Variants in INSRR observed in about 807,000 individuals in gnomAD.
INSRR encodes the protein insulin receptor-related protein.
Under a neutral mutation model 130.0 loss-of-function variants are expected in INSRR, and 114 were observed. The ratio of observed to expected loss-of-function variants is 0.88; its 90% CI spans 0.75 to 1.02. INSRR has a LOEUF of 1.02. INSRR is among the 50% of genes least tolerant of loss of function. INSRR has a pLI of 0.00. For synonymous variants in INSRR, 674 were observed against 705.2 expected (o/e 0.96, Z 0.70); for missense variants, 1,657 against 1,735.2 (o/e 0.95, Z 0.80).
chr1:156,844,499 A>C lies in INSRR; in HGVS notation c.2700T>G (p.Ser900=), dbSNP rs762614947. ...VRATSLAGNG[S]WTDSVAFYIL... is the part of the protein sequence containing the mutation. ...TGTAGAAGGCAACACTGTCTGTCCAAGAGCCATTGCCAGCCAGTGAGGTTG... is the reference window on the plus strand; with the variant it reads ...TGTAGAAGGCAACACTGTCTGTCCACGAGCCATTGCCAGCCAGTGAGGTTG... The change falls in exon 14 of 22, where the codon TCT becomes TCG. Residue 900 remains serine (S), a synonymous_variant. Coordinates refer to ENST00000368195, the MANE Select transcript of INSRR (RefSeq NM_014215.3). 2 of 1,614,168 alleles carry C rather than the reference A, an allele frequency of 1.2e-6. No individual in the cohort carries two copies. Among genetic ancestry groups the C allele is most frequent in the Admixed American group, 1.7e-5 (1 of 60,028 alleles).
chr1:156,857,205 G>A (rs1177291597), intron 1 of INSRR, among the ~76,000 whole-genome samples: 2 of 139,248 alleles, frequency 1.4e-5, no homozygotes, highest in African/African-American at 5.6e-5. Context: ...GTGTGTGTGT[G>A]TGTGTGTGTA....
At position 156,840,316 on chromosome 1, in the gene INSRR, G is replaced by A. The variant is rs78413657; in HGVS notation, c.*557C>T. ...AGGGCAAAAGGAGAGGAGGAGGTGA[G>A]GGCGGGCAGGCTGGGAACCACTCCC... On this transcript the variant is annotated 3_prime_UTR_variant, in exon 22 of 22. Coordinates refer to ENST00000368195, the MANE Select transcript of INSRR (RefSeq NM_014215.3). 4,259 of 160,814 alleles carry A rather than the reference G, an allele frequency of 0.026. 78 individuals are homozygous for A. The highest frequency in any genetic ancestry group is 0.033 in the African/African-American group (1,361 of 41,534). The allele number at this position is 160,814 out of a possible 1,614,324, so 10.0% of individuals were successfully genotyped here.
At chr1:156,855,212 T>TATCTATCTATCATC (rs60194471) in intron 1 of INSRR, among the ~76,000 whole-genome samples, 1 of 28,570 alleles carries the variant, frequency 3.5e-5, no homozygotes, top group Non-Finnish European at 1.0e-4. Context: ...ATCTATCTAT[T>TATCTATCTATCATC]TATTTATTTG....
chr1:156,844,852 A>G lies in INSRR; in HGVS notation c.2438-9T>C. The G allele has an allele frequency of 6.2e-7, 1 of 1,613,760 alleles. No homozygotes were observed. The highest frequency in any genetic ancestry group is 8.5e-7 in the Non-Finnish European group (1 of 1,179,884). ...AATACCATCAGCCTCTCCTGCGGGA[A>G]GGGGCATCCAGCAGCCGGGCCAAAA... On this transcript the variant is annotated splice_polypyrimidine_tract_variant and intron_variant, in intron 12 of 21. Transcript: ENST00000368195.
chr1:156,846,706 C>G lies in INSRR; in HGVS notation c.1623G>C (p.Gln541His), dbSNP rs146079800. Residue 541 changes from glutamine (Q) to histidine (H), a missense_variant, in exon 8 of 22, where the codon CAG becomes CAC. Coordinates refer to ENST00000368195, the MANE Select transcript of INSRR (RefSeq NM_014215.3). Reference protein sequence around the residue: ...EHVGPDACGTQSWNLLDVELP... With the variant: ...EHVGPDACGTHSWNLLDVELP... ...GCTCCACATCCAGCAGGTTCCAGCT[C>G]TGGGTTCCACAAGCATCTGGACCCA... is the stretch of plus-strand genomic sequence containing the variant. The G allele has an allele frequency of 1.3e-4, 209 of 1,614,034 alleles. No homozygotes were observed. Among genetic ancestry groups the G allele is most frequent in the Non-Finnish European group, 1.7e-4 (202 of 1,180,050 alleles).
At position 156,849,029 on chromosome 1, in the gene INSRR, C is replaced by A; in HGVS notation, c.1463G>T (p.Arg488Leu). The change falls in exon 7 of 22, where the codon CGC becomes CTC. Residue 488 changes from arginine to leucine, a missense_variant. Arg to Leu is a moderately radical substitution (Grantham distance 102). Transcript: ENST00000368195. ...DRAACQTRTL[R>L]FVSNVTEADR... ...TGCCTCCGTCACGTTGGACACGAAG[C>A]GCAGGGTGCGAGTCTGGCCTGGGTG... 6.2e-7 allele frequency: 1 copy of A among 1,613,350 alleles called. No individual in the cohort carries two copies.
intron 7 of INSRR, among the ~76,000 whole-genome samples, chr1:156,848,186 ACTTC>A (rs757139636): frequency 1.4e-4 from 21 of 151,740 alleles, no homozygotes; most frequent in African/African-American, 4.1e-4. Flanking sequence ...CCTACAACTG[ACTTC>A]CTTCCTTTCT....
intron 1 of INSRR, among the ~76,000 whole-genome samples, chr1:156,855,009 G>A (rs4661063): frequency 0.2 from 30,188 of 151,856 alleles, 4,905 homozygotes; most frequent in African/African-American, 0.46. Context: ...TTCCTTATAT[G>A]TAACAGGAGC....
chr1:156,854,265 G>A lies in INSRR; in HGVS notation c.124C>T (p.Leu42Phe). 1 of 1,613,476 alleles carries A rather than the reference G, an allele frequency of 6.2e-7. No homozygotes were observed. The highest frequency in any genetic ancestry group is 1.7e-4 in the Middle Eastern group (1 of 6,054). Residue 42 changes from leucine to phenylalanine, a missense_variant, in exon 2 of 22, where the codon CTT becomes TTT. Leu to Phe is a conservative substitution (Grantham distance 22, BLOSUM62 0). Transcript: ENST00000368195. This position sits in a 1 kb window ranked among gnomAD's most constrained non-coding sequence, Gnocchi z 4.2. ...SLDIRSEVAE[L>F]RQLENCSVVE... ...ACGCTGCAGTTCTCCAGCTGACGAA[G>A]CTCTGCCACCTCTGAGCGAATATCC...
chr1:156,841,077 C>T lies in INSRR; in HGVS notation c.3690G>A (p.Gln1230=). The T allele has an allele frequency of 6.4e-7, 1 of 1,568,036 alleles. No homozygotes were observed. The highest frequency in any genetic ancestry group is 8.6e-7 in the Non-Finnish European group (1 of 1,156,270). ...QLQELMSRCW[Q]PNPRLRPSFT... ...AAGATGGGCGCAGGCGTGGGTTCGG[C>T]TGCCAGCAGCGGCTCATCAGCTCCT... The change falls in exon 22 of 22, where the codon CAG becomes CAA. Residue 1230 remains glutamine, a synonymous_variant. Transcript: ENST00000368195.
At chr1:156,843,726 T>C (rs1341166863) in intron 15 of INSRR, among the ~76,000 whole-genome samples, 1 of 152,234 alleles carries the variant, frequency 6.6e-6, no homozygotes, top group East Asian at 1.9e-4. Flanking sequence ...CTAGTCCCTA[T>C]AGCCAAGCTG....
At chr1:156,851,826 G>A (rs1655221519) in intron 3 of INSRR, 38 bp from the exon 4 acceptor site, 8 of 1,588,572 alleles carry the variant, frequency 5.0e-6, no homozygotes, top group Non-Finnish European at 6.9e-6. Flanking sequence ...CCTTGGACCA[G>A]TTTGGGCCTC....
At chr1:156,857,842 T>G (rs530444332) in intron 1 of INSRR, among the ~76,000 whole-genome samples, 1 of 152,272 alleles carries the variant, frequency 6.6e-6, no homozygotes, top group South Asian at 2.1e-4. Flanking sequence ...TTTTTGAAGC[T>G]TCCACCCTCA....
At position 156,848,946 on chromosome 1, in the gene INSRR, T is replaced by A. The variant is rs749757156; in HGVS notation, c.1546A>T (p.Ser516Cys). ...GACTCCTTGTAGTACACGATGAAGCTGAGCAGGTCGCGGGCCTCCAGTGGC... is the reference window on the plus strand; with the variant it reads ...GACTCCTTGTAGTACACGATGAAGCAGAGCAGGTCGCGGGCCTCCAGTGGC... ...YEPLEARDLL[S>C]FIVYYKESPF... The change falls in exon 7 of 22, where the codon AGC (serine) becomes TGC (cysteine). Residue 516 changes from serine to cysteine, a missense_variant. By Grantham distance (112) the Ser-to-Cys change is moderately radical. Transcript: ENST00000368195. The A allele has an allele frequency of 6.3e-7, 1 of 1,592,328 alleles. No homozygotes were observed. Among genetic ancestry groups the A allele is most frequent in the Non-Finnish European group, 8.5e-7 (1 of 1,169,656 alleles).
chr1:156,849,462 TG>T lies in INSRR; in HGVS notation c.1230-3del. ...TCCAGCACGTAGAGAGTGTAGTTCC[TG>T]GGGGAGGCCAGGGGACCTTGCTCTG... On this transcript the variant is annotated splice_polypyrimidine_tract_variant and splice_region_variant and intron_variant, in intron 5 of 21. Coordinates refer to ENST00000368195, the MANE Select transcript of INSRR (RefSeq NM_014215.3). 9.1e-7 allele frequency: 1 copy of T among 1,095,218 alleles called. No homozygotes were observed. Among genetic ancestry groups the T allele is most frequent in the Non-Finnish European group, 1.2e-6 (1 of 860,156 alleles). The allele number at this position is 1,095,218 out of a possible 1,614,324, so 67.8% of individuals were successfully genotyped here.
Position 156,840,674 on chromosome 1 carries a change from G to A in INSRR, c.*199C>T, listed in dbSNP as rs971871787. On this transcript the variant is annotated 3_prime_UTR_variant, in exon 22 of 22. Transcript: ENST00000368195. ...TTGACCCTGCTTGCTCTCCCCCGAG[G>A]GACTCAGAGTCTGAGAAACTCCTAT... The A allele has an allele frequency of 1.7e-6, 1 of 604,732 alleles. No homozygotes were observed. The highest frequency in any genetic ancestry group is 2.0e-5 in the South Asian group (1 of 50,506). The allele number at this position is 604,732 out of a possible 1,614,324, so 37.5% of individuals were successfully genotyped here.
At chr1:156,858,447 T>C in intron 1 of INSRR, 90 bp downstream of exon 1, 2 of 907,438 alleles carry the variant, frequency 2.2e-6, no homozygotes, top group South Asian at 2.6e-5. Context: ...GCAGAGTAAG[T>C]GGAGGTGCTG....
chr1:156,844,686 G>T (rs41267423), intron 13 of INSRR, 21 bp downstream of exon 13: 1 of 1,613,900 alleles, frequency 6.2e-7, no homozygotes, highest in Non-Finnish European at 8.5e-7. Context: ...GGGCTGGGAC[G>T]GGGGTCCCAC....
At chr1:156,845,556 C>A in intron 10 of INSRR, 63 bp downstream of exon 10, 1 of 1,442,840 alleles carries the variant, frequency 6.9e-7, no homozygotes, top group Non-Finnish European at 9.3e-7. Flanking sequence ...ACCCCTCCCG[C>A]AAGACCCGCC....
Sources: gnomAD v4.1 joint callset for allele counts (sites outside exome capture counted in the v4.1 genomes callset) on GRCh38, gnomAD v4.1.1 for gene constraint, Gnocchi (gnomAD v3.1) non-coding constraint, MANE v1.5 for transcripts, NCBI Gene and HGNC (gene_info 2026-07-23, HGNC 2026-07-21) for gene names.